Variants in WDR44 observed in about 807,000 individuals in gnomAD.
WDR44 encodes the protein WD repeat-containing protein 44.
In WDR44, 9 loss-of-function variants were observed where a neutral mutation model predicts 65.7. That is an observed-to-expected ratio of 0.14 (90% CI 0.08 to 0.24). The LOEUF (loss-of-function observed/expected upper bound fraction) is 0.24, where lower values mean the gene tolerates loss of function less well. Ranked by LOEUF, WDR44 falls within the 10% of genes least tolerant of loss-of-function variation. The pLI is 1.00. For synonymous variants in WDR44, 220 were observed against 235.2 expected, an observed-to-expected ratio of 0.94 and a Z score of 0.59; for missense variants, 425 against 670.9, an observed-to-expected ratio of 0.63 and a Z score of 4.05.
intron 10 of WDR44, among the ~76,000 whole-genome samples, chrX:118,408,824 C>T (rs1052989854): frequency 1.8e-5 from 2 of 112,130 alleles, no homozygotes; most frequent in Non-Finnish European, 3.8e-5. Flanking sequence ...CCCATCTTTA[C>T]GTTCAGCTAG....
intron 19 of WDR44, chrX:118,446,952 G>A (rs1191119923): frequency 7.9e-6 from 2 of 252,706 alleles, no homozygotes; most frequent in Admixed American, 4.4e-5. Flanking sequence ...TCACTGCAAC[G>A]TTGAACTCCT....
chrX:118,371,246 AATG>A (rs1229580091), intron 1 of WDR44, among the ~76,000 whole-genome samples: 1 of 111,823 alleles, frequency 8.9e-6, no homozygotes, highest in Non-Finnish European at 1.9e-5. Flanking sequence ...GGAATGTAAA[AATG>A]ATGAACTCGT....
At chrX:118,383,309 T>C (rs1020095628) in intron 2 of WDR44, among the ~76,000 whole-genome samples, 1 of 111,024 alleles carries the variant, frequency 9.0e-6, no homozygotes, top group African/African-American at 3.3e-5. Context: ...TGAAACAAAT[T>C]AGGCCGAGTG....
chrX:118,402,564 A>G (rs1276796587), intron 8 of WDR44, among the ~76,000 whole-genome samples: 1 of 109,508 alleles, frequency 9.1e-6, no homozygotes, highest in Non-Finnish European at 1.9e-5. Flanking sequence ...CCTGGGCAAC[A>G]TGGCAGGACC....
intron 13 of WDR44, among the ~76,000 whole-genome samples, chrX:118,436,038 G>C (rs775392737): frequency 1.8e-5 from 2 of 111,983 alleles, no homozygotes; most frequent in Non-Finnish European, 3.8e-5. Flanking sequence ...AGGAATTAAT[G>C]AGCTTCTGCC....
chrX:118,370,813 A>C (rs749490388), intron 1 of WDR44, among the ~76,000 whole-genome samples: 4 of 109,048 alleles, frequency 3.7e-5, no homozygotes, highest in African/African-American at 1.3e-4. Context: ...TGATCTCCTG[A>C]CCTCGTGATC....
At chrX:118,397,224 T>A in intron 7 of WDR44, 118 bp downstream of exon 7, 1 of 595,413 alleles carries the variant, frequency 1.7e-6, no homozygotes, top group Non-Finnish European at 2.4e-6. Flanking sequence ...CTTCTGGAAT[T>A]AAAATAGAGT....
At chrX:118,360,597 A>C (rs1009038226) in intron 1 of WDR44, among the ~76,000 whole-genome samples, 4 of 111,467 alleles carry the variant, frequency 3.6e-5, no homozygotes, top group South Asian at 7.5e-4. Context: ...AAAACTCTTT[A>C]ATTAGTTGCT....
At chrX:118,352,318 TTATA>T (rs1234642278) in intron 1 of WDR44, among the ~76,000 whole-genome samples, 839 of 16,866 alleles carry the variant, frequency 0.05, 41 homozygotes, top group Non-Finnish European at 0.061. Flanking sequence ...CCCAGCTAAT[TTATA>T]TATATATATA....
intron 1 of WDR44, among the ~76,000 whole-genome samples, chrX:118,376,342 A>G (rs1378395835): frequency 3.6e-5 from 4 of 111,590 alleles, no homozygotes; most frequent in Non-Finnish European, 7.5e-5. Context: ...TACCAAAGGA[A>G]TCATTACCCA....
intron 9 of WDR44, among the ~76,000 whole-genome samples, chrX:118,405,755 G>A (rs1305872572): frequency 9.0e-6 from 1 of 111,506 alleles, no homozygotes; most frequent in Non-Finnish European, 1.9e-5. Context: ...AAATAACAAT[G>A]CAACAATAAA....
intron 1 of WDR44, among the ~76,000 whole-genome samples, chrX:118,353,446 A>G (rs2056432039): frequency 8.9e-6 from 1 of 112,131 alleles, no homozygotes; most frequent in African/African-American, 3.2e-5. Context: ...AGGTTCTGCC[A>G]GAGCGCTTCA....
intron 8 of WDR44, among the ~76,000 whole-genome samples, chrX:118,401,871 T>G (rs1006255431): frequency 3.6e-5 from 4 of 110,038 alleles, no homozygotes; most frequent in Non-Finnish European, 7.6e-5. Context: ...AGGGATCCAG[T>G]TTCAGCTTTC....
At chrX:118,381,104 A>G (rs141177684) in intron 2 of WDR44, among the ~76,000 whole-genome samples, 334 of 112,140 alleles carry the variant, frequency 3.0e-3, no homozygotes, top group Non-Finnish European at 5.2e-3. Flanking sequence ...CTATGTATAC[A>G]TGCATTGAAA....
At chrX:118,351,849 G>A (rs1424037428) in intron 1 of WDR44, among the ~76,000 whole-genome samples, 1 of 110,754 alleles carries the variant, frequency 9.0e-6, no homozygotes, top group Non-Finnish European at 1.9e-5. Context: ...GGCTGAGGCA[G>A]GAGAATCGCT....
intron 1 of WDR44, among the ~76,000 whole-genome samples, chrX:118,365,898 A>G (rs1355769427): frequency 1.8e-5 from 2 of 112,186 alleles, no homozygotes; most frequent in Non-Finnish European, 3.8e-5. Flanking sequence ...AGTTGGTGGC[A>G]TCTAGGCATC....
intron 19 of WDR44, 25 bp from the exon 20 acceptor site, chrX:118,448,868 T>C (rs1569389887): frequency 9.3e-7 from 1 of 1,078,050 alleles, no homozygotes; most frequent in Admixed American, 2.7e-5. Flanking sequence ...AAAATCAACT[T>C]AAAACTATTT....
chrX:118,363,505 AAATT>A (rs1386992453), intron 1 of WDR44, among the ~76,000 whole-genome samples: 1 of 111,184 alleles, frequency 9.0e-6, no homozygotes, highest in East Asian at 2.8e-4. Context: ...TGAAAACAAA[AAATT>A]AAGGGAACAA....
At chrX:118,425,821 C>A (rs1440672601) in intron 12 of WDR44, among the ~76,000 whole-genome samples, 1 of 111,198 alleles carries the variant, frequency 9.0e-6, no homozygotes, top group African/African-American at 3.3e-5. Context: ...ACCTGTAATC[C>A]CAGCACTTTG....
Sources: allele counts gnomAD v4.1 joint callset (sites outside exome capture counted in the v4.1 genomes callset), GRCh38; gene constraint gnomAD v4.1.1; transcripts MANE v1.5; gene names NCBI Gene and HGNC (gene_info 2026-07-23, HGNC 2026-07-21).